DDX10: variants seen among roughly 807,000 people sequenced by gnomAD.
DDX10 encodes probable ATP-dependent RNA helicase DDX10.
DDX10 carries 74 observed loss-of-function variants against 104.3 expected under a neutral mutation model. That is an observed-to-expected ratio of 0.71 (90% CI 0.59 to 0.86). The LOEUF (loss-of-function observed/expected upper bound fraction) is 0.86, where lower values mean the gene tolerates loss of function less well. Ranked by LOEUF, DDX10 falls within the 40% of genes least tolerant of loss-of-function variation. The pLI, the probability that DDX10 is intolerant of heterozygous loss-of-function variation, is 0.00. For synonymous variants in DDX10, 351 were observed against 353.4 expected, an observed-to-expected ratio of 0.99 and a Z score of 0.08; for missense variants, 952 against 1,040.0, an observed-to-expected ratio of 0.92 and a Z score of 1.16.
Position 108,775,558 on chromosome 11 carries a change from C to G in DDX10, c.1965+52096C>G, listed in dbSNP as rs115522173. Among the ~76,000 whole-genome samples the G allele has an allele frequency of 1.1e-3, 168 of 152,268 alleles. 2 individuals are homozygous for G. The highest frequency in any genetic ancestry group is 3.9e-3 in the African/African-American group (163 of 41,560). On this transcript the variant is annotated intron_variant, in intron 13 of 17. Coordinates refer to ENST00000322536, the MANE Select transcript of DDX10 (RefSeq NM_004398.4). ...AGCAATGCCTAACTATGCTGGTTAG[C>G]TCAGGTAGCATGTGAGAACAGGGAA...
chr11:108,801,752 C>T (rs1372828396), intron 13 of DDX10, among the ~76,000 whole-genome samples: 1 of 151,662 alleles, frequency 6.6e-6, no homozygotes, highest in African/African-American at 2.4e-5. Context: ...TTTTTTTAAA[C>T]ACCGAAATCT....
chr11:108,836,091 C>T (rs1442345812), intron 13 of DDX10, among the ~76,000 whole-genome samples: 1 of 152,154 alleles, frequency 6.6e-6, no homozygotes, highest in Non-Finnish European at 1.5e-5. Flanking sequence ...AAGTTTCCTG[C>T]CTCCAGACCC....
At chr11:108,709,575 G>A (rs1463005982) in intron 10 of DDX10, among the ~76,000 whole-genome samples, 6 of 152,160 alleles carry the variant, frequency 3.9e-5, no homozygotes, top group African/African-American at 1.4e-4. Context: ...GGGCATAGAG[G>A]TGTTCATAAT....
At chr11:108,842,770 A>G (rs554749380) in intron 15 of DDX10, among the ~76,000 whole-genome samples, 1 of 152,346 alleles carries the variant, frequency 6.6e-6, no homozygotes, top group African/African-American at 2.4e-5. Context: ...CTTTAATATT[A>G]AGAGTATCAG....
chr11:108,740,842 G>T (rs905677705), intron 13 of DDX10, among the ~76,000 whole-genome samples: 2 of 151,990 alleles, frequency 1.3e-5, no homozygotes, highest in Non-Finnish European at 2.9e-5. Context: ...TTTGCTTGTC[G>T]ATTTAAGTTC....
chr11:108,837,607 C>CT (rs142381520), intron 13 of DDX10, among the ~76,000 whole-genome samples: 1,427 of 34,736 alleles, frequency 0.041, 566 homozygotes, highest in Non-Finnish European at 0.049. Flanking sequence ...TTGGATACAG[C>CT]TTTTTTTTTT....
At chr11:108,836,925 T>C (rs1288913923) in intron 13 of DDX10, among the ~76,000 whole-genome samples, 1 of 152,224 alleles carries the variant, frequency 6.6e-6, no homozygotes, top group African/African-American at 2.4e-5. Flanking sequence ...AAGCTTCTGG[T>C]AATTATAGAT....
intron 13 of DDX10, among the ~76,000 whole-genome samples, chr11:108,809,647 G>A (rs1392757128): frequency 6.6e-5 from 10 of 152,184 alleles, no homozygotes; most frequent in South Asian, 2.1e-4. Flanking sequence ...ATACCAGGCC[G>A]TATGTAAGGG....
chr11:108,809,772 T>C (rs1048274588), intron 13 of DDX10, among the ~76,000 whole-genome samples: 1 of 152,196 alleles, frequency 6.6e-6, no homozygotes, highest in Non-Finnish European at 1.5e-5. Flanking sequence ...GTGTCTGGTA[T>C]GGTGCTTGGC....
intron 9 of DDX10, among the ~76,000 whole-genome samples, chr11:108,706,267 C>T (rs1196518630): frequency 3.3e-5 from 5 of 152,242 alleles, no homozygotes; most frequent in Non-Finnish European, 4.4e-5. Flanking sequence ...CCACCGCACC[C>T]GGCCGAACAG....
chr11:108,685,862 C>T (rs1416868843), intron 6 of DDX10, among the ~76,000 whole-genome samples: 5 of 152,126 alleles, frequency 3.3e-5, no homozygotes, highest in Admixed American at 6.5e-5. Context: ...AATATGATTA[C>T]TTATAAAAGT....
At chr11:108,740,250 C>T (rs1262376881) in intron 13 of DDX10, among the ~76,000 whole-genome samples, 2 of 152,062 alleles carry the variant, frequency 1.3e-5, no homozygotes, top group East Asian at 3.9e-4. Flanking sequence ...TTTTCTGTTC[C>T]TTTGTTAGTT....
At chr11:108,928,130 C>T (rs993327792) in intron 17 of DDX10, among the ~76,000 whole-genome samples, 1 of 151,630 alleles carries the variant, frequency 6.6e-6, no homozygotes, top group Non-Finnish European at 1.5e-5. Flanking sequence ...CCTTCCTCTT[C>T]TGTGATAATA....
intron 13 of DDX10, among the ~76,000 whole-genome samples, chr11:108,812,685 TA>T (rs1226007593): frequency 6.6e-6 from 1 of 151,868 alleles, no homozygotes; most frequent in Non-Finnish European, 1.5e-5. Flanking sequence ...AAAAAAGCCA[TA>T]AAAAAATGCC....
intron 6 of DDX10, among the ~76,000 whole-genome samples, chr11:108,682,356 C>T (rs565262827): frequency 2.0e-5 from 3 of 152,278 alleles, no homozygotes; most frequent in Admixed American, 6.5e-5. Flanking sequence ...CCACCCGCCT[C>T]GGCCTCCCAC....
At chr11:108,667,962 A>C (rs2094212149) in intron 1 of DDX10, among the ~76,000 whole-genome samples, 2 of 152,160 alleles carry the variant, frequency 1.3e-5, no homozygotes, top group African/African-American at 4.8e-5. Flanking sequence ...GCAACCAGTG[A>C]TACACTCGTC....
chr11:108,818,811 G>A (rs571795842), intron 13 of DDX10, among the ~76,000 whole-genome samples: 13 of 151,996 alleles, frequency 8.6e-5, no homozygotes, highest in Non-Finnish European at 1.3e-4. Flanking sequence ...CCTTTTTTGG[G>A]GGGACTTATC....
chr11:108,774,824 A>C (rs751866917), intron 13 of DDX10, among the ~76,000 whole-genome samples: 5 of 152,188 alleles, frequency 3.3e-5, no homozygotes, highest in Non-Finnish European at 7.3e-5. Flanking sequence ...TTGGGCACAC[A>C]TGCAGCCTCT....
chr11:108,760,259 T>C (rs973653541), intron 13 of DDX10, among the ~76,000 whole-genome samples: 2 of 152,074 alleles, frequency 1.3e-5, no homozygotes, highest in African/African-American at 2.4e-5. Flanking sequence ...ACAAAATATG[T>C]ATCTCTACAG....
Sources: gnomAD v4.1 joint callset for allele counts (sites outside exome capture counted in the v4.1 genomes callset) on GRCh38, gnomAD v4.1.1 for gene constraint, MANE v1.5 for transcripts, NCBI Gene and HGNC (gene_info 2026-07-23, HGNC 2026-07-21) for gene names.